FOXN3: variants seen among roughly 807,000 people sequenced by gnomAD.
FOXN3 encodes the protein forkhead box N3, also known as forkhead box protein N3.
FOXN3 carries 7 observed loss-of-function variants against 38.4 expected under a neutral mutation model. The ratio of observed to expected loss-of-function variants is 0.18; its 90% CI spans 0.10 to 0.34. The LOEUF is 0.34. Ranked by LOEUF, FOXN3 falls within the 10% of genes least tolerant of loss-of-function variation. The probability of loss-of-function intolerance (pLI) is 1.00; values close to 1 mark genes in which losing one functional copy is unlikely to be tolerated. For missense variants in FOXN3, 456 were observed against 613.4 expected (o/e 0.74, Z 2.71); for synonymous variants, 230 against 242.2 (o/e 0.95, Z 0.47).
chr14:89,520,435 A>G (rs28407258), intron 1 of FOXN3, among the ~76,000 whole-genome samples: 3,709 of 152,246 alleles, frequency 0.024, 162 homozygotes, highest in African/African-American at 0.084. Context: ...GGAAAACCAA[A>G]AGACAAGAGT....
At chr14:89,357,453 A>C (rs1889277034) in intron 2 of FOXN3, among the ~76,000 whole-genome samples, 1 of 152,120 alleles carries the variant, frequency 6.6e-6, no homozygotes, top group Non-Finnish European at 1.5e-5. Flanking sequence ...CTAAAAATAC[A>C]AAAAATTAGC....
intron 1 of FOXN3, among the ~76,000 whole-genome samples, chr14:89,457,334 A>G (rs908790641): frequency 4.6e-5 from 7 of 152,182 alleles, no homozygotes; most frequent in African/African-American, 1.4e-4. Context: ...CTCTGGCCCA[A>G]ACTGTTGAGG....
chr14:89,208,253 A>C (rs1357153360), intron 4 of FOXN3, among the ~76,000 whole-genome samples: 1 of 152,236 alleles, frequency 6.6e-6, no homozygotes, highest in Non-Finnish European at 1.5e-5. Flanking sequence ...TGGCGTGACA[A>C]TGATGGGCAG....
intron 3 of FOXN3, among the ~76,000 whole-genome samples, chr14:89,314,907 C>T (rs900134609): frequency 3.0e-4 from 46 of 152,116 alleles, no homozygotes; most frequent in Non-Finnish European, 5.9e-4. Flanking sequence ...ATCTGAGACA[C>T]TCTCATAAAC....
intron 1 of FOXN3, among the ~76,000 whole-genome samples, chr14:89,502,366 TA>T (rs905865332): frequency 2.0e-5 from 3 of 151,984 alleles, no homozygotes; most frequent in Non-Finnish European, 4.4e-5. Flanking sequence ...TATTTTATTT[TA>T]AAAAAAATAT....
At chr14:89,598,351 C>T (rs1327778203) in intron 1 of FOXN3, among the ~76,000 whole-genome samples, 1 of 152,062 alleles carries the variant, frequency 6.6e-6, no homozygotes, top group African/African-American at 2.4e-5. Context: ...ATTTCTGAGC[C>T]TTGATCGGGG....
intron 2 of FOXN3, chr14:89,356,242 C>T (rs1307389333): frequency 6.6e-6 from 1 of 151,646 alleles, no homozygotes; most frequent in African/African-American, 2.4e-5. Flanking sequence ...TACAAAAATA[C>T]AAAAATTAGC....
At position 89,158,162 on chromosome 14, in the gene FOXN3, A is replaced by C. The variant is rs917812199; in HGVS notation, c.*4252T>G. The C allele has an allele frequency of 5.3e-5, 8 of 152,248 alleles. No homozygotes were observed. The highest frequency in any genetic ancestry group is 3.3e-4 in the Admixed American group (5 of 15,288). The allele number at this position is 152,248 out of a possible 1,614,324, so 9.4% of individuals were successfully genotyped here. ...AGGAGAGGCCCAAGGCGCCCCCCAC[A>C]GAGTGGAATGAGTGGAACTTGCGTC... On this transcript the variant is annotated 3_prime_UTR_variant, in exon 6 of 6. Transcript: ENST00000557258.
At chr14:89,417,978 C>T (rs1288422788), upstream of FOXN3, among the ~76,000 whole-genome samples, 1 of 152,244 alleles carries the variant, frequency 6.6e-6, no homozygotes, top group African/African-American at 2.4e-5. Flanking sequence ...AGTTTGAGCT[C>T]TCAGGAACCA....
chr14:89,338,163 T>C (rs7141800), intron 3 of FOXN3, among the ~76,000 whole-genome samples: 100,023 of 151,898 alleles, frequency 0.66, 37,146 homozygotes, highest in East Asian at 0.83. Context: ...CACTGCAAAA[T>C]TGCTAAATTG....
chr14:89,415,847 T>TACATACACACACAC (rs1284424954), intron 1 of FOXN3, among the ~76,000 whole-genome samples: 38 of 140,414 alleles, frequency 2.7e-4, no homozygotes, highest in African/African-American at 1.0e-3. Flanking sequence ...AACTTTTCTC[T>TACATACACACACAC]ACACACACAC....
At position 89,162,170 on chromosome 14, in the gene FOXN3, A is replaced by G. The variant is rs1887121395; in HGVS notation, c.*244T>C. On this transcript the variant is annotated 3_prime_UTR_variant, in exon 6 of 6. Coordinates refer to ENST00000557258, the MANE Select transcript of FOXN3 (RefSeq NM_005197.4). This position sits in a 1 kb window ranked among gnomAD's most constrained non-coding sequence, Gnocchi z 7.2. ...CTTCAGATAATGAAAAGCTTTTGTA[A>G]AACAGCTGAGTGTCAATATGAGTTC... 1 of 345,222 alleles carries G rather than the reference A, an allele frequency of 2.9e-6. No homozygotes were observed. Among genetic ancestry groups the G allele is most frequent in the African/African-American group, 2.1e-5 (1 of 47,462 alleles). The allele number at this position is 345,222 out of a possible 1,614,324, so 21.4% of individuals were successfully genotyped here. A position where few individuals can be genotyped will look rare whatever the true frequency, so the allele number is the denominator to read the frequency against.
chr14:89,494,060 C>T (rs1170461780), intron 1 of FOXN3: 1 of 152,214 alleles, frequency 6.6e-6, no homozygotes. Flanking sequence ...CCGCAACCCC[C>T]GACACATCGT....
chr14:89,208,670 A>AT (rs1888447709), intron 4 of FOXN3, among the ~76,000 whole-genome samples: 1 of 152,186 alleles, frequency 6.6e-6, no homozygotes, highest in South Asian at 2.1e-4. Flanking sequence ...GTCTGTGGGG[A>AT]AATGCAACCT....
At chr14:89,220,385 G>A (rs903213055) in intron 4 of FOXN3, among the ~76,000 whole-genome samples, 1 of 152,180 alleles carries the variant, frequency 6.6e-6, no homozygotes, top group African/African-American at 2.4e-5. Context: ...TGTGTAGAAA[G>A]CATGTACAGA....
chr14:89,419,152 C>T (rs1488152730), upstream of FOXN3: 1 of 456,042 alleles, frequency 2.2e-6, no homozygotes, highest in Non-Finnish European at 4.4e-6. Context: ...TTCTCTCTCC[C>T]ATTACAGTTG....
intron 3 of FOXN3, among the ~76,000 whole-genome samples, chr14:89,345,000 G>A (rs954678558): frequency 1.3e-5 from 2 of 152,006 alleles, no homozygotes; most frequent in Admixed American, 6.6e-5. Flanking sequence ...TCTAGATTCC[G>A]AAGGCCCCAC....
chr14:89,359,156 C>T (rs1297470310), intron 2 of FOXN3, among the ~76,000 whole-genome samples: 1 of 152,016 alleles, frequency 6.6e-6, no homozygotes, highest in Non-Finnish European at 1.5e-5. Context: ...ATTAGCTGGG[C>T]ATGGTGACAG....
chr14:89,417,870 A>G, upstream of FOXN3: 1 of 416,180 alleles, frequency 2.4e-6, no homozygotes. Flanking sequence ...ACAAGACAAG[A>G]GGCACCGTCC....
Sources: allele counts gnomAD v4.1 joint callset (sites outside exome capture counted in the v4.1 genomes callset), GRCh38; gene constraint gnomAD v4.1.1; non-coding constraint Gnocchi (gnomAD v3.1); transcripts MANE v1.5; gene names NCBI Gene and HGNC (gene_info 2026-07-23, HGNC 2026-07-21).